Variants in DYNC2H1 observed in about 807,000 individuals in gnomAD.
DYNC2H1 encodes cytoplasmic dynein 2 heavy chain 1.
DYNC2H1 carries 410 observed loss-of-function variants against 570.0 expected under a neutral mutation model. That is an observed-to-expected ratio of 0.72 (90% CI 0.66 to 0.78). DYNC2H1 has a LOEUF of 0.78. Among genes scored for constraint, DYNC2H1 ranks in the 30% least tolerant of loss-of-function variants. DYNC2H1 has a pLI of 0.00. For missense variants in DYNC2H1, 4,865 were observed against 5,046.4 expected, an observed-to-expected ratio of 0.96 and a Z score of 1.09; for synonymous variants, 1,688 against 1,677.6, an observed-to-expected ratio of 1.01 and a Z score of -0.15.
intron 87 of DYNC2H1, among the ~76,000 whole-genome samples, chr11:103,459,613 A>C (rs1431120791): frequency 6.6e-6 from 1 of 152,040 alleles, no homozygotes; most frequent in South Asian, 2.1e-4. Flanking sequence ...AACAAGCTAG[A>C]TCTTTCCCTT....
At position 103,287,564 on chromosome 11, in the gene DYNC2H1, G is replaced by A. The variant is rs1183808139; in HGVS notation, c.11054G>A (p.Arg3685Lys). 6.2e-7 allele frequency: 1 copy of A among 1,611,988 alleles called. No individual in the cohort carries two copies. ...GTAGTACAGGCGCTAAGACCGGACA[G>A]ATTGCAAAGTGCCATGGCTCTTTTT... The part of the protein sequence containing the change: ...ILVVQALRPD[R>K]LQSAMALFAC... Residue 3685 changes from arginine (R) to lysine (K), a missense_variant, in exon 75 of 89, where the codon AGA becomes AAA. Arg to Lys is a conservative substitution (Grantham distance 26). Around this residue, in one of 5 missense-constraint regions of DYNC2H1, gnomAD observed 2,401 missense variants for 2,454.6 expected, o/e 0.98. Transcript: ENST00000375735.
chr11:103,190,426 G>C (rs1447515245), intron 45 of DYNC2H1, among the ~76,000 whole-genome samples: 2 of 152,284 alleles, frequency 1.3e-5, no homozygotes, highest in African/African-American at 2.4e-5. Flanking sequence ...AGCAATAACA[G>C]TATGTCTAAC....
At chr11:103,428,051 C>A (rs1335261730) in intron 84 of DYNC2H1, among the ~76,000 whole-genome samples, 1 of 151,690 alleles carries the variant, frequency 6.6e-6, no homozygotes, top group Non-Finnish European at 1.5e-5. Context: ...TCTGTAAACA[C>A]CCTCACAGAC....
Position 103,268,732 on chromosome 11 carries a change from T to A in DYNC2H1, c.10695+8755T>A, listed in dbSNP as rs963667748. On this transcript the variant is annotated intron_variant, in intron 70 of 88. Transcript: ENST00000375735. This position sits in a 1 kb window ranked among gnomAD's most constrained non-coding sequence, Gnocchi z 4.6. ...ATATGTTATAAATAAATATTATTAT[T>A]AAAAATTGTTTATGGCAAAAGAGAA... is the stretch of plus-strand genomic sequence containing the variant. Among the ~76,000 whole-genome samples, 12 of 151,998 alleles carry A rather than the reference T, an allele frequency of 7.9e-5. No individual in the cohort carries two copies. Among genetic ancestry groups the A allele is most frequent in the Non-Finnish European group, 1.5e-4 (10 of 67,912 alleles).
intron 84 of DYNC2H1, among the ~76,000 whole-genome samples, chr11:103,421,180 T>C (rs1486210045): frequency 6.6e-6 from 1 of 152,188 alleles, no homozygotes; most frequent in Non-Finnish European, 1.5e-5. Flanking sequence ...AAGAGCTAAC[T>C]ATCTCAAATA....
At chr11:103,431,772 G>A (rs1943901855) in intron 84 of DYNC2H1, among the ~76,000 whole-genome samples, 1 of 152,150 alleles carries the variant, frequency 6.6e-6, no homozygotes. Flanking sequence ...TTGTTGAGAT[G>A]CTTAAAGAAA....
Position 103,209,985 on chromosome 11 carries a change from G to T in DYNC2H1, c.8539+25G>T. 2 of 1,443,882 alleles carry T rather than the reference G, an allele frequency of 1.4e-6. No individual in the cohort carries two copies. Among genetic ancestry groups the T allele is most frequent in the South Asian group, 1.4e-5 (1 of 70,924 alleles). 89.4% of individuals were successfully genotyped at this position (1,443,882 alleles called of 1,614,324 possible). A position where few individuals can be genotyped will look rare whatever the true frequency, so the allele number is the denominator to read the frequency against. ...GGTAGTATTTTGATAAAATCAGTTTGATCTGGTTTTTATTTATGAAATAAT... is the reference window on the plus strand; with the variant it reads ...GGTAGTATTTTGATAAAATCAGTTTTATCTGGTTTTTATTTATGAAATAAT... On this transcript the variant is annotated intron_variant, in intron 53 of 88. Transcript: ENST00000375735. This position sits in a 1 kb window ranked among gnomAD's most constrained non-coding sequence, Gnocchi z 4.2.
intron 70 of DYNC2H1, among the ~76,000 whole-genome samples, chr11:103,263,022 CAA>C (rs35912109): frequency 0.11 from 4,414 of 39,762 alleles, 38 homozygotes; most frequent in Non-Finnish European, 0.15. Flanking sequence ...AAATGGAAAG[CAA>C]AAAAAAAAAA....
At position 103,133,420 on chromosome 11, in the gene DYNC2H1, T is replaced by A; in HGVS notation, c.1954-135T>A. Reference sequence around the variant, plus strand: ...CTTTGCCAGACTGCCTTATCATTTATAAAATGGAAAATTATTATGTGCTTT... The same window carrying A: ...CTTTGCCAGACTGCCTTATCATTTAAAAAATGGAAAATTATTATGTGCTTT... On this transcript the variant is annotated intron_variant, in intron 13 of 88. Transcript: ENST00000375735. The surrounding 1 kb of genome is among the most constrained non-coding windows in gnomAD (Gnocchi z 4.8). The A allele has an allele frequency of 1.3e-6, 1 of 764,554 alleles. No homozygotes were observed. Among genetic ancestry groups the A allele is most frequent in the Non-Finnish European group, 2.0e-6 (1 of 507,108 alleles). 47.4% of individuals were successfully genotyped at this position (764,554 alleles called of 1,614,324 possible).
intron 84 of DYNC2H1, among the ~76,000 whole-genome samples, chr11:103,427,955 TAATATG>T (rs1219796925): frequency 1.3e-5 from 2 of 151,734 alleles, no homozygotes; most frequent in African/African-American, 4.8e-5. Flanking sequence ...AACCAGATTA[TAATATG>T]AATATATATA....
chr11:103,113,530 A>C lies in DYNC2H1; in HGVS notation c.196-7A>C, dbSNP rs1467309954. On this transcript the variant is annotated splice_polypyrimidine_tract_variant and splice_region_variant and intron_variant, in intron 1 of 88. Transcript: ENST00000375735. ...AAGATAACATTAAAAATCATTTATC[A>C]CTTTAGATTGAGTTTGGTGACACAA... 5 of 1,509,164 alleles carry C rather than the reference A, an allele frequency of 3.3e-6. No homozygotes were observed. Among genetic ancestry groups the C allele is most frequent in the Non-Finnish European group, 4.4e-6 (5 of 1,135,540 alleles). The allele number at this position is 1,509,164 out of a possible 1,614,324, so 93.5% of individuals were successfully genotyped here. A position where few individuals can be genotyped will look rare whatever the true frequency, so the allele number is the denominator to read the frequency against.
rs1236156551 is a variant in DYNC2H1, at chr11:103,319,795, T to C, written c.11726-1234T>C. ...AATGACTTATCAATGACTGGCTAAC[T>C]TATCAGTGACTGTCTAAATGATAAA... On this transcript the variant is annotated intron_variant, in intron 80 of 88. Transcript: ENST00000375735. The surrounding 1 kb of genome is among the most constrained non-coding windows in gnomAD (Gnocchi z 4.3). Among the ~76,000 whole-genome samples the C allele has an allele frequency of 6.6e-6, 1 of 152,212 alleles. No homozygotes were observed. The highest frequency in any genetic ancestry group is 2.4e-5 in the African/African-American group (1 of 41,456).
chr11:103,162,947 A>G lies in DYNC2H1; in HGVS notation c.4492-81A>G, dbSNP rs1861157675. On this transcript the variant is annotated intron_variant, in intron 29 of 88. Transcript: ENST00000375735. ...TAACAGTATAGAGTTAGTAGATTGT[A>G]TATTTATTTTATGTCTTATATATAT... 4.8e-6 allele frequency: 6 copies of G among 1,259,476 alleles called. No individual in the cohort carries two copies. In the East Asian group the frequency reaches 1.0e-4, roughly 22 times the overall value. 78.0% of individuals were successfully genotyped at this position (1,259,476 alleles called of 1,614,324 possible).
intron 78 of DYNC2H1, among the ~76,000 whole-genome samples, chr11:103,308,975 C>T (rs1457021191): frequency 6.6e-6 from 1 of 151,882 alleles, no homozygotes; most frequent in Non-Finnish European, 1.5e-5. Context: ...TTGTTCCCAA[C>T]CTCCCTGCCT....
At position 103,220,114 on chromosome 11, in the gene DYNC2H1, T is replaced by A. The variant is rs546892956; in HGVS notation, c.8946+86T>A. The A allele has an allele frequency of 5.4e-5, 39 of 724,652 alleles. No individual in the cohort carries two copies. In the African/African-American group the frequency reaches 7.0e-4, roughly 13 times the overall value. 44.9% of individuals were successfully genotyped at this position (724,652 alleles called of 1,614,324 possible). A position where few individuals can be genotyped will look rare whatever the true frequency, so the allele number is the denominator to read the frequency against. ...TTTAAACATTATTTGTAACTCAAGT[T>A]GTTTTCTCATAGTATTATAAAATGT... On this transcript the variant is annotated intron_variant, in intron 56 of 88. Coordinates refer to ENST00000375735, the MANE Select transcript of DYNC2H1 (RefSeq NM_001377.3).
At chr11:103,435,564 C>T (rs186415783) in intron 84 of DYNC2H1, among the ~76,000 whole-genome samples, 1 of 152,046 alleles carries the variant, frequency 6.6e-6, no homozygotes, top group Admixed American at 6.6e-5. Context: ...CATTATACTG[C>T]TCTATTTATA....
chr11:103,304,577 GT>G lies in DYNC2H1; in HGVS notation c.11257-11del, dbSNP rs768146815. 2 of 1,603,648 alleles carry G rather than the reference GT, an allele frequency of 1.2e-6. No homozygotes were observed. The highest frequency in any genetic ancestry group is 1.7e-5 in the Admixed American group (1 of 59,126). On this transcript the variant is annotated splice_polypyrimidine_tract_variant and intron_variant, in intron 76 of 88. Transcript: ENST00000375735. ...GCAGATCTGTTTTTAAATTTTGTTT[GT>G]TTTTTTGCTTTTGTAGGTTGCCATG...
At chr11:103,352,530 T>C (rs1026556214) in intron 82 of DYNC2H1, among the ~76,000 whole-genome samples, 2 of 152,234 alleles carry the variant, frequency 1.3e-5, no homozygotes, top group Non-Finnish European at 2.9e-5. Context: ...AGGGGGTTAA[T>C]TTTGGTAACA....
chr11:103,150,346 TAG>T (rs1160777444), intron 20 of DYNC2H1, among the ~76,000 whole-genome samples: 1 of 77,900 alleles, frequency 1.3e-5, no homozygotes, highest in South Asian at 4.8e-4. Flanking sequence ...TACAATATGA[TAG>T]ACAAGAGATG....
Sources: allele counts gnomAD v4.1 joint callset (sites outside exome capture counted in the v4.1 genomes callset), GRCh38; gene constraint gnomAD v4.1.1; regional missense constraint gnomAD v4.1.1; non-coding constraint Gnocchi (gnomAD v3.1); transcripts MANE v1.5; gene names NCBI Gene and HGNC (gene_info 2026-07-23, HGNC 2026-07-21).